KCNH8: variants seen among roughly 807,000 people sequenced by gnomAD.
The protein encoded by KCNH8 is potassium voltage-gated channel subfamily H member 8, also known as voltage-gated delayed rectifier potassium channel KCNH8.
In KCNH8, 70 loss-of-function variants were observed where a neutral mutation model predicts 103.6. That is an observed-to-expected ratio of 0.68 (90% CI 0.56 to 0.82). The LOEUF (loss-of-function observed/expected upper bound fraction) is 0.82, where lower values mean the gene tolerates loss of function less well. KCNH8 is among the 40% of genes least tolerant of loss of function. The pLI is 0.00. For synonymous variants in KCNH8, 498 were observed against 489.4 expected (o/e 1.02, Z -0.23); for missense variants, 1,217 against 1,329.9 (o/e 0.92, Z 1.32).
At chr3:19,465,734 A>G (rs1458417136) in intron 11 of KCNH8, among the ~76,000 whole-genome samples, 1 of 151,572 alleles carries the variant, frequency 6.6e-6, no homozygotes, top group Non-Finnish European at 1.5e-5. Context: ...CCAAATATCA[A>G]CATTAACAGG....
At chr3:19,295,286 A>C (rs910854891) in intron 3 of KCNH8, among the ~76,000 whole-genome samples, 1 of 151,954 alleles carries the variant, frequency 6.6e-6, no homozygotes, top group Non-Finnish European at 1.5e-5. Context: ...CAGGGAGCTC[A>C]GGTGGGATAA....
intron 11 of KCNH8, among the ~76,000 whole-genome samples, chr3:19,489,229 C>T (rs917401369): frequency 1.3e-5 from 2 of 151,954 alleles, no homozygotes; most frequent in African/African-American, 4.8e-5. Context: ...CCCTTCCTCT[C>T]AATAAGGAGG....
chr3:19,367,140 T>C (rs995624287), intron 5 of KCNH8, among the ~76,000 whole-genome samples: 1 of 151,894 alleles, frequency 6.6e-6, no homozygotes, highest in East Asian at 1.9e-4. Context: ...TTTCACCTCG[T>C]TTCATGATCT....
intron 3 of KCNH8, among the ~76,000 whole-genome samples, chr3:19,324,027 G>T (rs996142167): frequency 4.6e-5 from 7 of 152,176 alleles, no homozygotes; most frequent in African/African-American, 1.7e-4. Flanking sequence ...AGCTGTAGTA[G>T]TATAGGATCA....
intron 7 of KCNH8, among the ~76,000 whole-genome samples, chr3:19,421,570 T>C (rs921029153): frequency 6.6e-6 from 1 of 152,242 alleles, no homozygotes; most frequent in African/African-American, 2.4e-5. Context: ...TAAGTTCTTT[T>C]GGTATAAACT....
At chr3:19,181,989 A>G (rs1036685703) in intron 1 of KCNH8, among the ~76,000 whole-genome samples, 4 of 152,220 alleles carry the variant, frequency 2.6e-5, no homozygotes, top group Non-Finnish European at 5.9e-5. Flanking sequence ...GAAAATGACC[A>G]AATTCCTGGG....
intron 7 of KCNH8, among the ~76,000 whole-genome samples, chr3:19,431,760 T>C (rs1171731820): frequency 1.3e-5 from 2 of 151,502 alleles, no homozygotes; most frequent in African/African-American, 2.5e-5. Context: ...TTTATCCATT[T>C]CTTCTAGATA....
In KCNH8 at chr3:19,510,351, T is replaced by A; in HGVS notation, c.2041-12T>A. ...TATGTAAAATGATTAATACTTCTGTTTGTTCTTTCAGGTGATATCAAGACT... is the reference window on the plus strand; with the variant it reads ...TATGTAAAATGATTAATACTTCTGTATGTTCTTTCAGGTGATATCAAGACT... On this transcript the variant is annotated splice_polypyrimidine_tract_variant and intron_variant, in intron 11 of 15. Coordinates refer to ENST00000328405, the MANE Select transcript of KCNH8 (RefSeq NM_144633.3). The A allele has an allele frequency of 6.5e-7, 1 of 1,544,626 alleles. No homozygotes were observed. The highest frequency in any genetic ancestry group is 9.0e-7 in the Non-Finnish European group (1 of 1,116,878).
chr3:19,389,523 A>G (rs1436918529), intron 5 of KCNH8, among the ~76,000 whole-genome samples: 1 of 152,214 alleles, frequency 6.6e-6, no homozygotes, highest in Non-Finnish European at 1.5e-5. Context: ...CCTTCAGGGC[A>G]GGGCTGAATT....
chr3:19,372,525 G>C (rs1362661295), intron 5 of KCNH8, among the ~76,000 whole-genome samples: 1 of 151,978 alleles, frequency 6.6e-6, no homozygotes, highest in Admixed American at 6.6e-5. Context: ...GAGACAATGG[G>C]GTTTTCTAGA....
intron 3 of KCNH8, among the ~76,000 whole-genome samples, chr3:19,298,892 G>A (rs1004944755): frequency 6.8e-5 from 10 of 147,632 alleles, no homozygotes; most frequent in East Asian, 2.0e-4. Context: ...ACTGCACTCC[G>A]GCCTGGGCGA....
chr3:19,407,982 G>C (rs1421409166), intron 7 of KCNH8, among the ~76,000 whole-genome samples: 1 of 152,072 alleles, frequency 6.6e-6, no homozygotes, highest in Non-Finnish European at 1.5e-5. Context: ...TGGCAGACTT[G>C]CTTGGTCCAG....
intron 3 of KCNH8, among the ~76,000 whole-genome samples, chr3:19,284,074 A>T (rs1415603388): frequency 6.6e-6 from 1 of 152,170 alleles, no homozygotes; most frequent in African/African-American, 2.4e-5. Context: ...TGATATTTTT[A>T]AAGCTTCCAA....
At chr3:19,533,301 G>A (rs571296888) in intron 15 of KCNH8, 94 bp from the exon 16 acceptor site, 13 of 759,620 alleles carry the variant, frequency 1.7e-5, no homozygotes, top group African/African-American at 8.7e-5. Context: ...AAAGAAAACC[G>A]AAAGAAATAT....
Position 19,515,383 on chromosome 3 carries a change from T to C in KCNH8, c.2497T>C (p.Ser833Pro). The change falls in exon 14 of 16, where the codon TCT becomes CCT. Residue 833 changes from serine (S) to proline (P), a missense_variant. Ser to Pro is a moderately conservative substitution (Grantham distance 74). Transcript: ENST00000328405. The part of the protein sequence containing the change: ...SEESQTFDFG[S>P]ERIRSEPRIS... ...AGAAAGTCAGACTTTTGATTTTGGC[T>C]CTGAACGAATCAGATCAGAGCCCAG... 1.3e-6 allele frequency: 2 copies of C among 1,585,594 alleles called. No homozygotes were observed. Among genetic ancestry groups the C allele is most frequent in the Middle Eastern group, 1.7e-4 (1 of 5,990 alleles).
chr3:19,409,875 A>G (rs2066750426), intron 7 of KCNH8, among the ~76,000 whole-genome samples: 2 of 152,190 alleles, frequency 1.3e-5, no homozygotes, highest in South Asian at 4.1e-4. Flanking sequence ...TCATAAAATG[A>G]GAACTTCTAG....
chr3:19,435,717 T>C (rs541628881), intron 7 of KCNH8, among the ~76,000 whole-genome samples: 1 of 152,350 alleles, frequency 6.6e-6, no homozygotes, highest in East Asian at 1.9e-4. Flanking sequence ...AACAAGCTTA[T>C]CTTTTACTAG....
intron 3 of KCNH8, among the ~76,000 whole-genome samples, chr3:19,304,385 A>G (rs2065102657): frequency 6.6e-6 from 1 of 152,150 alleles, no homozygotes; most frequent in South Asian, 2.1e-4. Flanking sequence ...GTATAAAATC[A>G]AAATAAACAA....
rs529951109 is a variant in KCNH8, at chr3:19,484,006, C to CT, written c.2041-26349dup. ...ATTTACTTACTTTTGGTCATATAGTCTTTTTTTTAATTAAGAGAGTCACAT... is the reference window on the plus strand; with the variant it reads ...ATTTACTTACTTTTGGTCATATAGTCTTTTTTTTTAATTAAGAGAGTCACAT... On this transcript the variant is annotated intron_variant, in intron 11 of 15. Coordinates refer to ENST00000328405, the MANE Select transcript of KCNH8 (RefSeq NM_144633.3). Among the ~76,000 whole-genome samples, 549 of 151,896 alleles carry CT rather than the reference C, an allele frequency of 3.6e-3. 3 individuals are homozygous for CT. Among genetic ancestry groups the CT allele is most frequent in the African/African-American group, 0.012 (510 of 41,390 alleles).
Sources: gnomAD v4.1 joint callset for allele counts (sites outside exome capture counted in the v4.1 genomes callset) on GRCh38, gnomAD v4.1.1 for gene constraint, MANE v1.5 for transcripts, NCBI Gene and HGNC (gene_info 2026-07-23, HGNC 2026-07-21) for gene names.